PSME4: variants seen among roughly 807,000 people sequenced by gnomAD.
PSME4 encodes the protein proteasome activator complex subunit 4.
Under a neutral mutation model 253.9 loss-of-function variants are expected in PSME4, and 89 were observed. The observed-to-expected ratio is 0.35, with a 90% CI of 0.30 to 0.42. The LOEUF (loss-of-function observed/expected upper bound fraction) is 0.42, where lower values mean the gene tolerates loss of function less well. PSME4 is among the 10% of genes least tolerant of loss of function. The pLI is 1.00. For synonymous variants in PSME4, 851 were observed against 759.2 expected (o/e 1.12, Z -1.99); for missense variants, 2,014 against 2,195.2 (o/e 0.92, Z 1.65).
chr2:53,887,612 C>G (rs1363076210), intron 39 of PSME4, 145 bp from the exon 40 acceptor site: 20 of 906,246 alleles, frequency 2.2e-5, no homozygotes, highest in Non-Finnish European at 3.3e-5. Context: ...TAAAAGAAGC[C>G]TTATAATTAA....
chr2:53,935,667 C>CT (rs1198656197), intron 7 of PSME4, among the ~76,000 whole-genome samples: 1 of 152,138 alleles, frequency 6.6e-6, no homozygotes, highest in Non-Finnish European at 1.5e-5. Flanking sequence ...TTCCAAATTA[C>CT]TTTGACACTG....
At chr2:53,894,919 AAAG>A (rs763942630) in intron 34 of PSME4, 85 bp downstream of exon 34, 335 of 1,176,254 alleles carry the variant, frequency 2.8e-4, no homozygotes, top group Non-Finnish European at 3.6e-4. Flanking sequence ...TTAAGAAAAA[AAAG>A]AAGAAGAAGA....
chr2:53,919,286 C>G (rs752153888), intron 19 of PSME4, 40 bp from the exon 20 acceptor site: 1 of 1,541,378 alleles, frequency 6.5e-7, no homozygotes, highest in Non-Finnish European at 8.7e-7. Context: ...TTCCAAATCC[C>G]TATTTAATAA....
chr2:53,885,711 C>G lies in PSME4; in HGVS notation c.4794G>C (p.Gln1598His). ...TTACCTTGAAAAACAAAGGTAGAAG[C>G]TGAAGTTGTTCTGTAACTGCTGTAG... is the stretch of plus-strand genomic sequence containing the variant. ...SFSTAVTEQL[Q>H]LLPLFFKIAP... is the part of the protein sequence containing the mutation. The change falls in exon 41 of 47, where the codon CAG becomes CAC. Residue 1598 changes from glutamine (Q) to histidine (H), a missense_variant. Physicochemically the swap from Gln to His is conservative, Grantham distance 24. Around this residue, in one of 4 missense-constraint regions of PSME4, gnomAD observed 403 missense variants for 556.1 expected, o/e 0.72. Transcript: ENST00000404125. 6.2e-7 allele frequency: 1 copy of G among 1,612,436 alleles called. No individual in the cohort carries two copies. Among genetic ancestry groups the G allele is most frequent in the South Asian group, 1.1e-5 (1 of 90,982 alleles).
chr2:53,967,856 T>C (rs1670818301), intron 1 of PSME4, among the ~76,000 whole-genome samples: 1 of 152,186 alleles, frequency 6.6e-6, no homozygotes, highest in Admixed American at 6.5e-5. Flanking sequence ...TATGCAACTG[T>C]TTCCAGTATT....
At chr2:53,879,479 A>T (rs1467678127) in intron 41 of PSME4, among the ~76,000 whole-genome samples, 1 of 152,232 alleles carries the variant, frequency 6.6e-6, no homozygotes, top group Non-Finnish European at 1.5e-5. Flanking sequence ...GACTTTTAAA[A>T]GCAGGGTAAT....
At chr2:53,879,298 T>C (rs1679273594) in intron 41 of PSME4, among the ~76,000 whole-genome samples, 1 of 152,232 alleles carries the variant, frequency 6.6e-6, no homozygotes. Flanking sequence ...AGAGAGTGTC[T>C]GGTTAAATAA....
In PSME4 at chr2:53,937,496, C is replaced by T. The variant is rs200348351; in HGVS notation, c.590G>A (p.Arg197Gln). 8 of 1,611,362 alleles carry T rather than the reference C, an allele frequency of 5.0e-6. No individual in the cohort carries two copies. Among genetic ancestry groups the T allele is most frequent in the East Asian group, 2.2e-5 (1 of 44,846 alleles). ...TACATCAAAAGGGCACATTAAAGGT[C>T]GCCATTCTTCTAGCATCTCAGCGGT... ...DATAEMLEEW[R>Q]PLMCPFDVTM... Residue 197 changes from arginine to glutamine, a missense_variant, in exon 5 of 47, where the codon CGA becomes CAA. Arg to Gln is a conservative substitution (Grantham distance 43). Transcript: ENST00000404125.
chr2:53,928,720 G>A (rs558526100), intron 10 of PSME4, among the ~76,000 whole-genome samples: 3 of 152,296 alleles, frequency 2.0e-5, no homozygotes, highest in Non-Finnish European at 4.4e-5. Context: ...GGTATGCACT[G>A]GGGGTCTTCA....
At chr2:53,948,211 T>G (rs906858215) in intron 3 of PSME4, among the ~76,000 whole-genome samples, 1 of 152,150 alleles carries the variant, frequency 6.6e-6, no homozygotes, top group Non-Finnish European at 1.5e-5. Flanking sequence ...AGGATGTAGG[T>G]GCAAGAAGTC....
chr2:53,965,624 T>C (rs1670689648), intron 1 of PSME4, among the ~76,000 whole-genome samples: 1 of 151,620 alleles, frequency 6.6e-6, no homozygotes, highest in South Asian at 2.1e-4. Flanking sequence ...TTAATTTGCC[T>C]GAGGAATCCA....
intron 1 of PSME4, among the ~76,000 whole-genome samples, chr2:53,970,251 T>G (rs1670994439): frequency 6.6e-6 from 1 of 152,224 alleles, no homozygotes; most frequent in East Asian, 1.9e-4. Flanking sequence ...CCGGGGCCCT[T>G]GGGCTACCCA....
chr2:53,925,079 A>C (rs1369277278), intron 14 of PSME4, among the ~76,000 whole-genome samples: 3 of 152,210 alleles, frequency 2.0e-5, no homozygotes, highest in Non-Finnish European at 2.9e-5. Flanking sequence ...CAACTCTCTT[A>C]TGCTTAGGAA....
In PSME4 at chr2:53,865,545, G is replaced by A. The variant is rs1370628830; in HGVS notation, c.*33C>T. 6.6e-6 allele frequency: 1 copy of A among 152,264 alleles called. No individual in the cohort carries two copies. 9.4% of individuals were successfully genotyped at this position (152,264 alleles called of 1,614,324 possible). A position where few individuals can be genotyped will look rare whatever the true frequency, so the allele number is the denominator to read the frequency against. ...TACCTGAGGGTGTGGAATTTTTGATGAAAAGAGCCTGAAGTGAGGACTAGT... is the reference window on the plus strand; with the variant it reads ...TACCTGAGGGTGTGGAATTTTTGATAAAAAGAGCCTGAAGTGAGGACTAGT... On this transcript the variant is annotated 3_prime_UTR_variant, in exon 47 of 47. Transcript: ENST00000404125.
intron 1 of PSME4, among the ~76,000 whole-genome samples, chr2:53,966,718 G>T (rs1420965369): frequency 6.6e-6 from 1 of 152,048 alleles, no homozygotes; most frequent in Admixed American, 6.6e-5. Flanking sequence ...TTTCTTTGTT[G>T]TTGTTTTTAA....
chr2:53,969,197 GC>G (rs1295464383), intron 1 of PSME4, among the ~76,000 whole-genome samples: 10 of 152,028 alleles, frequency 6.6e-5, no homozygotes, highest in Admixed American at 5.9e-4. Flanking sequence ...TGCTTCTGCC[GC>G]CCCTCACCTC....
In PSME4 at chr2:53,937,441, T is replaced by A; in HGVS notation, c.645A>T (p.Glu215Asp). 6.2e-7 allele frequency: 1 copy of A among 1,610,000 alleles called. No homozygotes were observed. Among genetic ancestry groups the A allele is most frequent in the Non-Finnish European group, 8.5e-7 (1 of 1,177,570 alleles). Reference protein sequence around the residue: ...VTMQKAITYFEIFLPTSLPPE... With the variant: ...VTMQKAITYFDIFLPTSLPPE... ...GAGGAAGGGAGGTAGGAAGAAATAT[T>A]TCAAAATAAGTGATGGCCTTTTGCA... is the stretch of plus-strand genomic sequence containing the variant. Residue 215 changes from glutamate (E) to aspartate (D), a missense_variant, in exon 5 of 47, where the codon GAA becomes GAT. Transcript: ENST00000404125.
rs952551047 is a variant in PSME4 at position 53,864,501 on chromosome 2, A to T, written c.*1077T>A. On this transcript the variant is annotated 3_prime_UTR_variant, in exon 47 of 47. Coordinates refer to ENST00000404125, the MANE Select transcript of PSME4 (RefSeq NM_014614.3). ...AGAAAATAATTTAAAAACACAAAAA[A>T]TGGCATTCAGTGGGTACAAAGCCCA... The T allele has an allele frequency of 6.6e-6, 1 of 152,610 alleles. No individual in the cohort carries two copies. The highest frequency in any genetic ancestry group is 1.5e-5 in the Non-Finnish European group (1 of 68,030). 9.5% of individuals were successfully genotyped at this position (152,610 alleles called of 1,614,324 possible).
rs371241918 is a variant in PSME4 at position 53,920,298 on chromosome 2, G to A, written c.2315C>T (p.Pro772Leu). ...LWNLGIQWHV[P>L]SSEEVSFAFY... ...GGCAAAAGACACTTCTTCTGAAGAA[G>A]GAACATGCCACTGGATTCCCAGATT... is the stretch of plus-strand genomic sequence containing the variant. The change falls in exon 19 of 47, where the codon CCT becomes CTT. Residue 772 changes from proline to leucine, a missense_variant. This residue lies in a region of PSME4 where 989 missense variants were observed against 1,021.1 expected (regional missense o/e 0.97). Transcript: ENST00000404125. 3.7e-6 allele frequency: 6 copies of A among 1,613,784 alleles called. No homozygotes were observed. In the Middle Eastern group the frequency reaches 5.0e-4, roughly 133 times the overall value.
Sources: gnomAD v4.1 joint callset for allele counts (sites outside exome capture counted in the v4.1 genomes callset) on GRCh38, gnomAD v4.1.1 for gene constraint, gnomAD v4.1.1 regional missense constraint, MANE v1.5 for transcripts, NCBI Gene and HGNC (gene_info 2026-07-23, HGNC 2026-07-21) for gene names.